CLSPN: variants seen among roughly 807,000 people sequenced by gnomAD.
CLSPN encodes the protein claspin homolog.
In CLSPN, 85 loss-of-function variants were observed where a neutral mutation model predicts 156.3. The observed-to-expected ratio is 0.54, with a 90% CI of 0.46 to 0.65. The LOEUF (loss-of-function observed/expected upper bound fraction) is 0.65. Ranked by LOEUF, CLSPN falls within the 30% of genes least tolerant of loss-of-function variation. CLSPN has a pLI of 0.00. For synonymous variants in CLSPN, 534 were observed against 542.4 expected (o/e 0.98, Z 0.22); for missense variants, 1,407 against 1,554.9 (o/e 0.90, Z 1.60).
rs1318967590 is a variant in CLSPN, at chr1:35,751,506, C to T, written c.1772G>A (p.Gly591Asp). The change falls in exon 10 of 25, where the codon GGT (glycine) becomes GAT (aspartate). Residue 591 changes from glycine (G) to aspartate (D), a missense_variant and splice_region_variant. By Grantham distance (94) the Gly-to-Asp change is moderately conservative. Transcript: ENST00000318121. ...KLDGASHTKP[G>D]EKLQVLKAKL... The stretch of plus-strand genomic sequence containing the variant: ...AGCTTTTAACACCTGAAGCTTTTCA[C>T]CTGAACAGAAATATGTAGAAATGCT... 6.2e-7 allele frequency: 1 copy of T among 1,612,108 alleles called. No individual in the cohort carries two copies. Among genetic ancestry groups the T allele is most frequent in the Non-Finnish European group, 8.5e-7 (1 of 1,179,408 alleles).
At position 35,734,966 on chromosome 1, in the gene CLSPN, A is replaced by C. The variant is rs1174533240; in HGVS notation, c.*1530T>G. On this transcript the variant is annotated 3_prime_UTR_variant, in exon 25 of 25. Transcript: ENST00000318121. ...TTCAGGGAAAATGGAGAATGATGGCAATTCTCTTCAATAATATTTTTATTA... is the reference window on the plus strand; with the variant it reads ...TTCAGGGAAAATGGAGAATGATGGCCATTCTCTTCAATAATATTTTTATTA... 1.0e-6 allele frequency: 1 copy of C among 985,270 alleles called. No homozygotes were observed. The highest frequency in any genetic ancestry group is 1.2e-6 in the Non-Finnish European group (1 of 829,856). The allele number at this position is 985,270 out of a possible 1,614,324, so 61.0% of individuals were successfully genotyped here. A position where few individuals can be genotyped will look rare whatever the true frequency, so the allele number is the denominator to read the frequency against.
chr1:35,735,599 T>C lies in CLSPN; in HGVS notation c.*897A>G. ...GGCATGCACCTGTAGTCCCAGCTAC[T>C]TGGGAGGCTGAGACAGGAGAATCAC... On this transcript the variant is annotated 3_prime_UTR_variant, in exon 25 of 25. Transcript: ENST00000318121. 1.7e-6 allele frequency: 1 copy of C among 576,176 alleles called. No individual in the cohort carries two copies. The highest frequency in any genetic ancestry group is 2.0e-5 in the African/African-American group (1 of 49,178). 35.7% of individuals were successfully genotyped at this position (576,176 alleles called of 1,614,324 possible).
chr1:35,739,309 C>T (rs545822702), intron 19 of CLSPN, 52 bp from the exon 20 acceptor site: 3 of 1,613,950 alleles, frequency 1.9e-6, no homozygotes, highest in South Asian at 2.2e-5. Flanking sequence ...TGGCTGGTTA[C>T]AGGGCTTGTC....
chr1:35,742,969 G>A (rs1223945439), intron 18 of CLSPN, among the ~76,000 whole-genome samples, 172 bp downstream of exon 18: 5 of 151,636 alleles, frequency 3.3e-5, no homozygotes, highest in Non-Finnish European at 7.4e-5. Context: ...GGATGGTCTC[G>A]ATCTCTTGAC....
At chr1:35,761,943 T>G in intron 6 of CLSPN, 55 bp downstream of exon 6, 153 of 1,203,394 alleles carry the variant, frequency 1.3e-4, no homozygotes, top group Non-Finnish European at 1.7e-4. Flanking sequence ...ACATCCAAGT[T>G]GAGCTTACAA....
At chr1:35,731,937 A>G (rs1412184308), downstream of CLSPN, among the ~76,000 whole-genome samples, 3 of 152,144 alleles carry the variant, frequency 2.0e-5, no homozygotes, top group Admixed American at 6.5e-5. Context: ...TGATACTGGT[A>G]ATTTCTTTCA....
In CLSPN at chr1:35,736,291, G is replaced by T; in HGVS notation, c.*205C>A. 2.6e-6 allele frequency: 3 copies of T among 1,173,722 alleles called. No homozygotes were observed. Among genetic ancestry groups the T allele is most frequent in the Non-Finnish European group, 3.2e-6 (3 of 950,230 alleles). 72.7% of individuals were successfully genotyped at this position (1,173,722 alleles called of 1,614,324 possible). A position where few individuals can be genotyped will look rare whatever the true frequency, so the allele number is the denominator to read the frequency against. ...TTGATGTTGTAAATACTGCAGAATTGAAATCAGTGGCCAATTCAGGGAATA... is the reference window on the plus strand; with the variant it reads ...TTGATGTTGTAAATACTGCAGAATTTAAATCAGTGGCCAATTCAGGGAATA... On this transcript the variant is annotated 3_prime_UTR_variant, in exon 25 of 25. Transcript: ENST00000318121.
Position 35,733,279 on chromosome 1 carries a change from T to G in CLSPN, c.*3217A>C, listed in dbSNP as rs1164112345. 2.9e-5 allele frequency: 6 copies of G among 208,092 alleles called. No homozygotes were observed. In the East Asian group the frequency reaches 1.1e-3, roughly 38 times the overall value. 12.9% of individuals were successfully genotyped at this position (208,092 alleles called of 1,614,324 possible). ...CACCACGCCCAGCCCAGAAACCATT[T>G]TCTCCCTGGATTTCTCAGGCACTAA... On this transcript the variant is annotated 3_prime_UTR_variant, in exon 25 of 25. Coordinates refer to ENST00000318121, the MANE Select transcript of CLSPN (RefSeq NM_022111.4).
At chr1:35,759,797 T>C (rs1400289222) in intron 8 of CLSPN, among the ~76,000 whole-genome samples, 1 of 151,712 alleles carries the variant, frequency 6.6e-6, no homozygotes, top group Non-Finnish European at 1.5e-5. Context: ...ACAGTAGCAA[T>C]GTACCTCTTT....
chr1:35,769,899 G>A lies in CLSPN; in HGVS notation c.-29C>T, dbSNP rs367702732. 1 of 1,607,728 alleles carries A rather than the reference G, an allele frequency of 6.2e-7. No individual in the cohort carries two copies. ...TTCTGCCTCCCCTGCGCTCCACTAG[G>A]GACGGAGCTGTCTCTGATTCCCTCA... On this transcript the variant is annotated 5_prime_UTR_variant, in exon 1 of 25. Transcript: ENST00000318121.
Position 35,739,370 on chromosome 1 carries a change from T to C in CLSPN, c.3303A>G (p.Ile1101Met), listed in dbSNP as rs760248205. The change falls in exon 19 of 25, where the codon ATA becomes ATG. Residue 1101 changes from isoleucine to methionine, a missense_variant. Physicochemically the swap from Ile to Met is conservative, Grantham distance 10. Coordinates refer to ENST00000318121, the MANE Select transcript of CLSPN (RefSeq NM_022111.4). ...GGGCTTATTGGGATACTGACATGTG[T>C]ATTTTCTTGATTTGACTCTGCAGTT... is the stretch of plus-strand genomic sequence containing the variant. ...DEELQSQIKK[I>M]HMKTMLDDDK... The C allele has an allele frequency of 6.8e-6, 11 of 1,614,092 alleles. No homozygotes were observed. The Admixed American group carries it at 1.8e-4, about 27-fold the overall frequency.
Position 35,743,121 on chromosome 1 carries a change from G to A in CLSPN, c.3143+20C>T. Reference sequence around the variant, plus strand: ...AATTTTAAATACACCTGAAGGAATGGACATATTAATAACACGTACATTTGC... The same window carrying A: ...AATTTTAAATACACCTGAAGGAATGAACATATTAATAACACGTACATTTGC... On this transcript the variant is annotated intron_variant, in intron 18 of 24. Coordinates refer to ENST00000318121, the MANE Select transcript of CLSPN (RefSeq NM_022111.4). 2 of 1,573,848 alleles carry A rather than the reference G, an allele frequency of 1.3e-6. No homozygotes were observed. The highest frequency in any genetic ancestry group is 1.7e-6 in the Non-Finnish European group (2 of 1,143,720).
rs1482020963 is a variant in CLSPN, at chr1:35,733,689, C to T, written c.*2807G>A. The stretch of plus-strand genomic sequence containing the variant: ...AGCTAAAGAGAAAGGCCAATCAAAG[C>T]TGTAACAGGCTGGGCATGGTGGCTG... On this transcript the variant is annotated 3_prime_UTR_variant, in exon 25 of 25. Transcript: ENST00000318121. The T allele has an allele frequency of 1.0e-6, 1 of 985,290 alleles. No individual in the cohort carries two copies. The highest frequency in any genetic ancestry group is 6.1e-5 in the Admixed American group (1 of 16,264). The allele number at this position is 985,290 out of a possible 1,614,324, so 61.0% of individuals were successfully genotyped here.
At chr1:35,748,785 G>A in intron 12 of CLSPN, 181 bp from the exon 13 acceptor site, 1 of 617,736 alleles carries the variant, frequency 1.6e-6, no homozygotes, top group South Asian at 1.7e-5. Context: ...TATAATCAGG[G>A]CTTATTACTC....
Position 35,736,916 on chromosome 1 carries a change from G to T in CLSPN, c.3907C>A (p.Gln1303Lys). 6.2e-7 allele frequency: 1 copy of T among 1,613,428 alleles called. No homozygotes were observed. Among genetic ancestry groups the T allele is most frequent in the East Asian group, 2.2e-5 (1 of 44,880 alleles). The change falls in exon 24 of 25, where the codon CAG (glutamine) becomes AAG (lysine). Residue 1303 changes from glutamine to lysine, a missense_variant and splice_region_variant. Physicochemically the swap from Gln to Lys is moderately conservative, Grantham distance 53. This residue lies in a region of CLSPN where 241 missense variants were observed against 240.5 expected (regional missense o/e 1.00). Coordinates refer to ENST00000318121, the MANE Select transcript of CLSPN (RefSeq NM_022111.4). ...AEAAKESSKS[Q>K]VKKRGPSFMT... ...ATATTAGTTCTCAAATTCCATACCT[G>T]AGACTTAGACGATTCCTTTGCCGCC...
At position 35,753,793 on chromosome 1, in the gene CLSPN, C is replaced by T; in HGVS notation, c.1723G>A (p.Val575Met). 8.7e-6 allele frequency: 14 copies of T among 1,614,230 alleles called. No individual in the cohort carries two copies. Among genetic ancestry groups the T allele is most frequent in the Non-Finnish European group, 1.1e-5 (13 of 1,180,044 alleles). ...TCCAACTTCTTAGGTGCTAAAGTCACAGGTACCACATCTGCTTTTAGCTCT... is the reference window on the plus strand; with the variant it reads ...TCCAACTTCTTAGGTGCTAAAGTCATAGGTACCACATCTGCTTTTAGCTCT... ...KEELKADVVP[V>M]TLAPKKLDGA... Residue 575 changes from valine to methionine, a missense_variant, in exon 9 of 25, where the codon GTG (valine) becomes ATG (methionine). By Grantham distance (21) the Val-to-Met change is conservative. Coordinates refer to ENST00000318121, the MANE Select transcript of CLSPN (RefSeq NM_022111.4).
At position 35,747,239 on chromosome 1, in the gene CLSPN, G is replaced by A. The variant is rs552534689; in HGVS notation, c.2628-247C>T. Among the ~76,000 whole-genome samples, 15 of 152,020 alleles carry A rather than the reference G, an allele frequency of 9.9e-5. No homozygotes were observed. In the East Asian group the frequency reaches 1.6e-3, roughly 16 times the overall value. On this transcript the variant is annotated intron_variant, in intron 14 of 24. Coordinates refer to ENST00000318121, the MANE Select transcript of CLSPN (RefSeq NM_022111.4). ...CGGGAGGCTGAGGCAGGAGAAGGGC[G>A]TGAACCCAGGAGGTGGAGCTTGCAG...
At chr1:35,768,183 T>A (rs565863741) in intron 1 of CLSPN, among the ~76,000 whole-genome samples, 1 of 151,998 alleles carries the variant, frequency 6.6e-6, no homozygotes, top group Non-Finnish European at 1.5e-5. Context: ...GCCTGGCCAA[T>A]ACAGTAAAAC....
chr1:35,742,882 G>C (rs1217392634), intron 18 of CLSPN, among the ~76,000 whole-genome samples: 1 of 151,776 alleles, frequency 6.6e-6, no homozygotes, highest in Admixed American at 6.6e-5. Context: ...TGAGTAGCTG[G>C]GACTACAGGC....
Sources: allele counts gnomAD v4.1 joint callset (sites outside exome capture counted in the v4.1 genomes callset), GRCh38; gene constraint gnomAD v4.1.1; regional missense constraint gnomAD v4.1.1; transcripts MANE v1.5; gene names NCBI Gene and HGNC (gene_info 2026-07-23, HGNC 2026-07-21).